EI24: variants seen among roughly 807,000 people sequenced by gnomAD.
EI24 encodes the protein EI24 autophagy associated transmembrane protein, also known as etoposide-induced protein 2.4 homolog.
In EI24, 21 loss-of-function variants were observed where a neutral mutation model predicts 48.6. The ratio of observed to expected loss-of-function variants is 0.43; its 90% CI spans 0.31 to 0.62. The LOEUF (loss-of-function observed/expected upper bound fraction) is 0.62, where lower values mean the gene tolerates loss of function less well. Ranked by LOEUF, EI24 falls within the 20% of genes least tolerant of loss-of-function variation. The pLI, the probability that EI24 is intolerant of heterozygous loss-of-function variation, is 0.10. For synonymous variants in EI24, 114 were observed against 145.5 expected, an observed-to-expected ratio of 0.78 and a Z score of 1.56; for missense variants, 280 against 410.5, an observed-to-expected ratio of 0.68 and a Z score of 2.75.
At chr11:125,579,944 A>G (rs1938924002) in intron 7 of EI24, 149 bp from the exon 8 acceptor site, 2 of 676,592 alleles carry the variant, frequency 3.0e-6, no homozygotes, top group Non-Finnish European at 5.3e-6. Context: ...GATTACAGGA[A>G]TGAGTCACTG....
chr11:125,575,240 A>G, intron 2 of EI24, 23 bp from the exon 3 acceptor site: 1 of 1,520,138 alleles, frequency 6.6e-7, no homozygotes, highest in Non-Finnish European at 8.9e-7. Context: ...TAATAATAAT[A>G]ATAATGATAG....
chr11:125,573,106 A>G (rs76118307), intron 2 of EI24, among the ~76,000 whole-genome samples: 10,186 of 151,868 alleles, frequency 0.067, 387 homozygotes, highest in African/African-American at 0.1. Context: ...AAGTTTTGGC[A>G]TGTTGCCCAG....
intron 7 of EI24, among the ~76,000 whole-genome samples, 153 bp from the exon 8 acceptor site, chr11:125,579,940 A>T (rs1464236001): frequency 6.6e-6 from 1 of 152,206 alleles, no homozygotes; most frequent in Non-Finnish European, 1.5e-5. Flanking sequence ...TTGGGATTAC[A>T]GGAATGAGTC....
At chr11:125,575,748 A>G in intron 3 of EI24, 1 of 230,186 alleles carries the variant, frequency 4.3e-6, no homozygotes, top group Non-Finnish European at 9.0e-6. Flanking sequence ...AAAATAAATT[A>G]TTTTTCTTTT....
At chr11:125,577,364 C>A (rs903098613) in intron 4 of EI24, 140 bp from the exon 5 acceptor site, 1 of 715,840 alleles carries the variant, frequency 1.4e-6, no homozygotes, top group East Asian at 2.7e-5. Context: ...AGTGAACCAC[C>A]GCGCATGAGC....
chr11:125,581,598 G>A (rs1939001784), intron 9 of EI24, among the ~76,000 whole-genome samples: 1 of 127,040 alleles, frequency 7.9e-6, no homozygotes, highest in Non-Finnish European at 1.6e-5. Flanking sequence ...CCAGGCTAGA[G>A]TGCAGTGGTG....
At chr11:125,573,616 TA>T in intron 2 of EI24, 1 of 187,380 alleles carries the variant, frequency 5.3e-6, no homozygotes, top group Non-Finnish European at 1.2e-5. Flanking sequence ...TACTTTTGAG[TA>T]AAAGAGGGAG....
chr11:125,578,276 G>T lies in EI24; in HGVS notation c.441+19G>T. On this transcript the variant is annotated intron_variant, in intron 6 of 10. Transcript: ENST00000278903. ...GTTTCAGGTAGGTCCAGGGCAGAATGGAGTCTGGGTCCCGCAGCATGATTG... is the reference window on the plus strand; with the variant it reads ...GTTTCAGGTAGGTCCAGGGCAGAATTGAGTCTGGGTCCCGCAGCATGATTG... The T allele has an allele frequency of 6.2e-7, 1 of 1,613,794 alleles. No individual in the cohort carries two copies. The highest frequency in any genetic ancestry group is 8.5e-7 in the Non-Finnish European group (1 of 1,179,752).
chr11:125,582,339 TA>T lies in EI24; in HGVS notation c.786-4del. On this transcript the variant is annotated splice_polypyrimidine_tract_variant and splice_region_variant and intron_variant, in intron 9 of 10. Transcript: ENST00000278903. ...ACTAATTATTTCTTTTTTTTTTTTT[TA>T]AACAGTGGCTGCCTTTTCTCTATCC... The T allele has an allele frequency of 5.2e-6, 8 of 1,533,964 alleles. No homozygotes were observed. Among genetic ancestry groups the T allele is most frequent in the Middle Eastern group, 1.7e-4 (1 of 5,822 alleles).
chr11:125,575,784 A>T (rs1264520696), intron 3 of EI24: 20 of 186,826 alleles, frequency 1.1e-4, no homozygotes, highest in Admixed American at 2.4e-4. Context: ...ATATATACAC[A>T]TTTTTTTTTT....
chr11:125,573,943 A>C (rs1417157974), intron 2 of EI24, among the ~76,000 whole-genome samples: 1 of 151,750 alleles, frequency 6.6e-6, no homozygotes, highest in Non-Finnish European at 1.5e-5. Context: ...TAGCCTCCCA[A>C]AGTGCTAGGA....
intron 3 of EI24, chr11:125,575,844 C>T (rs1219254781): frequency 1.1e-5 from 4 of 379,608 alleles, no homozygotes; most frequent in East Asian, 8.0e-5. Flanking sequence ...CTGAGATTGC[C>T]GTGGTGCAAT....
intron 5 of EI24, 32 bp from the exon 6 acceptor site, chr11:125,578,101 C>T: frequency 6.2e-7 from 1 of 1,611,668 alleles, no homozygotes; most frequent in Non-Finnish European, 8.5e-7. Context: ...TTCCATTTCT[C>T]CATTTCTAGT....
Position 125,575,409 on chromosome 11 carries a change from G to T in EI24, c.188+1G>T. The stretch of plus-strand genomic sequence containing the variant: ...AGAGTATAGAGCGGAAGCAAGAGAG[G>T]TAAGGAGTGCATGCCTGATATCAAA... On this transcript the variant is annotated splice_donor_variant, in intron 3 of 10. Coordinates refer to ENST00000278903, the MANE Select transcript of EI24 (RefSeq NM_004879.5). LOFTEE classifies it high-confidence loss of function. 6.3e-7 allele frequency: 1 copy of T among 1,586,942 alleles called. No individual in the cohort carries two copies. Among genetic ancestry groups the T allele is most frequent in the Non-Finnish European group, 8.6e-7 (1 of 1,164,906 alleles).
rs71045108 is a variant in EI24, at chr11:125,584,229, C to CAAAAAAAAAAAAA, written c.*567_*579dup. The stretch of plus-strand genomic sequence containing the variant: ...GGTTTTGGTCTCTCTTGCTCCACTG[C>CAAAAAAAAAAAAA]AAAAAAAAAAAAAAAAAAAAAAAAA... On this transcript the variant is annotated 3_prime_UTR_variant, in exon 11 of 11. Coordinates refer to ENST00000278903, the MANE Select transcript of EI24 (RefSeq NM_004879.5). The CAAAAAAAAAAAAA allele has an allele frequency of 8.1e-5, 4 of 49,688 alleles. No homozygotes were observed. Among genetic ancestry groups the CAAAAAAAAAAAAA allele is most frequent in the African/African-American group, 1.9e-4 (2 of 10,336 alleles). The allele number at this position is 49,688 out of a possible 1,614,324, so 3.1% of individuals were successfully genotyped here.
intron 8 of EI24, chr11:125,580,874 C>A (rs1050316502): frequency 6.5e-6 from 1 of 154,126 alleles, no homozygotes; most frequent in Non-Finnish European, 1.4e-5. Flanking sequence ...GTCAGGAGTT[C>A]AAGACCAGCT....
At chr11:125,571,619 G>A (rs1442374024) in intron 1 of EI24, among the ~76,000 whole-genome samples, 1 of 152,192 alleles carries the variant, frequency 6.6e-6, no homozygotes, top group Non-Finnish European at 1.5e-5. Flanking sequence ...GCTCATGCCT[G>A]TAATCCTAGC....
chr11:125,576,211 A>G, intron 3 of EI24, 44 bp from the exon 4 acceptor site: 1 of 1,575,902 alleles, frequency 6.3e-7, no homozygotes, highest in Non-Finnish European at 8.7e-7. Context: ...ACAATTAGGA[A>G]ATAACTTATG....
chr11:125,582,418 A>C lies in EI24; in HGVS notation c.858A>C (p.Ala286=). 1 of 1,597,302 alleles carries C rather than the reference A, an allele frequency of 6.3e-7. No individual in the cohort carries two copies. Among genetic ancestry groups the C allele is most frequent in the Non-Finnish European group, 8.5e-7 (1 of 1,171,750 alleles). Residue 286 remains alanine (A), a splice_region_variant and synonymous_variant, in exon 10 of 11, where the codon GCA becomes GCC. Coordinates refer to ENST00000278903, the MANE Select transcript of EI24 (RefSeq NM_004879.5). ...SANEAKTPGK[A]YLFQLRLFSL... ...ATGAAGCAAAGACCCCTGGCAAAGC[A>C]TAGTAAGTATTAGCCAGTGATGAAA...
Sources: allele counts gnomAD v4.1 joint callset (sites outside exome capture counted in the v4.1 genomes callset), GRCh38; gene constraint gnomAD v4.1.1; transcripts MANE v1.5; gene names NCBI Gene and HGNC (gene_info 2026-07-23, HGNC 2026-07-21).